Variants in ACOXL observed in about 807,000 individuals in gnomAD.
ACOXL encodes the protein acyl-coenzyme A oxidase-like protein.
In ACOXL, 70 loss-of-function variants were observed where a neutral mutation model predicts 71.9. The ratio of observed to expected loss-of-function variants is 0.97; its 90% CI spans 0.80 to 1.19. The LOEUF (loss-of-function observed/expected upper bound fraction) is 1.19, where lower values mean the gene tolerates loss of function less well. Ranked by LOEUF, ACOXL falls within the 50% of genes most tolerant of loss-of-function variation. The pLI is 0.00. For missense variants in ACOXL, 703 were observed against 736.3 expected (o/e 0.95, Z 0.52); for synonymous variants, 253 against 281.6 (o/e 0.90, Z 1.02).
At chr2:110,957,689 A>G (rs997856904) in intron 12 of ACOXL, among the ~76,000 whole-genome samples, 2 of 152,090 alleles carry the variant, frequency 1.3e-5, no homozygotes, top group African/African-American at 4.8e-5. Flanking sequence ...TTTAATCTTA[A>G]TTACCCCTTT....
intron 13 of ACOXL, among the ~76,000 whole-genome samples, chr2:110,991,588 A>G (rs1340311464): frequency 6.6e-6 from 1 of 152,212 alleles, no homozygotes; most frequent in Non-Finnish European, 1.5e-5. Context: ...GAATCTCACA[A>G]TCCTGATTAA....
intron 16 of ACOXL, among the ~76,000 whole-genome samples, chr2:111,053,722 A>G (rs373693549): frequency 3.3e-5 from 5 of 152,156 alleles, no homozygotes; most frequent in African/African-American, 1.2e-4. Context: ...TTGTTCTTGC[A>G]CACCTGGGAG....
intron 14 of ACOXL, among the ~76,000 whole-genome samples, chr2:111,001,665 C>A (rs948426862): frequency 7.2e-5 from 11 of 152,148 alleles, no homozygotes; most frequent in African/African-American, 2.7e-4. Flanking sequence ...TAACAGTTAT[C>A]CTGTCCCGTC....
chr2:110,835,656 A>G (rs1006720944), intron 9 of ACOXL, among the ~76,000 whole-genome samples: 2 of 152,236 alleles, frequency 1.3e-5, no homozygotes, highest in African/African-American at 4.8e-5. Context: ...TTAAGAGGAC[A>G]TAAAATGTGA....
intron 5 of ACOXL, among the ~76,000 whole-genome samples, chr2:110,798,052 C>T (rs1004614751): frequency 6.6e-6 from 1 of 152,108 alleles, no homozygotes; most frequent in African/African-American, 2.4e-5. Flanking sequence ...TTTTCTGGAT[C>T]AGATTATTCC....
intron 16 of ACOXL, 21 bp downstream of exon 16, chr2:111,049,309 C>T: frequency 6.3e-7 from 1 of 1,580,172 alleles, no homozygotes; most frequent in Non-Finnish European, 8.7e-7. Flanking sequence ...AGATAAAGAA[C>T]TTATTTCCTA....
rs70958753 is a variant in ACOXL at position 110,988,857 on chromosome 2, T to TTGTGTGTGTGTGTG, written c.1169+1664_1169+1677dup. 4.0e-3 allele frequency among the ~76,000 whole-genome samples: 576 copies of TTGTGTGTGTGTGTG among 143,464 alleles called. 5 individuals are homozygous for TTGTGTGTGTGTGTG. Among genetic ancestry groups the TTGTGTGTGTGTGTG allele is most frequent in the South Asian group, 0.017 (72 of 4,328 alleles). The allele number at this position is 143,464 out of a possible 152,430, so 94.1% of individuals were successfully genotyped here. A position where few individuals can be genotyped will look rare whatever the true frequency, so the allele number is the denominator to read the frequency against. On this transcript the variant is annotated intron_variant, in intron 13 of 17. Transcript: ENST00000439055. Reference sequence around the variant, plus strand: ...TGTTCATGTTTTTTGCCTATTTTTATTGTGTGTGTGTGTGTGTGTGTGTGT... The same window carrying TTGTGTGTGTGTGTG: ...TGTTCATGTTTTTTGCCTATTTTTATTGTGTGTGTGTGTGTGTGTGTGTGTGTGTGTGTGTGTGT...
chr2:110,967,918 G>A (rs753583635), intron 12 of ACOXL: 88 of 1,010,040 alleles, frequency 8.7e-5, no homozygotes, highest in Middle Eastern at 3.1e-4. Context: ...GGGTAAAACT[G>A]GTTACTATGC....
intron 9 of ACOXL, among the ~76,000 whole-genome samples, chr2:110,822,071 G>C (rs985808441): frequency 3.3e-5 from 5 of 151,946 alleles, no homozygotes; most frequent in African/African-American, 9.7e-5. Flanking sequence ...TTTAATAAAA[G>C]GAACCTTTCC....
rs2062054402 is a variant in ACOXL at position 110,968,891 on chromosome 2, A to G, written c.1060-18217A>G. Among the ~76,000 whole-genome samples the G allele has an allele frequency of 2.0e-5, 3 of 152,276 alleles. No individual in the cohort carries two copies. The South Asian group carries it at 6.2e-4, about 32-fold the overall frequency. On this transcript the variant is annotated intron_variant, in intron 12 of 17. Transcript: ENST00000439055. ...TACATGTTTTTCAAGCACTTGTGGAATTTTCTTCAAGATGGACTGTATCCT... is the reference window on the plus strand; with the variant it reads ...TACATGTTTTTCAAGCACTTGTGGAGTTTTCTTCAAGATGGACTGTATCCT...
chr2:111,032,164 A>T (rs2065301824), intron 15 of ACOXL, among the ~76,000 whole-genome samples: 1 of 152,202 alleles, frequency 6.6e-6, no homozygotes. Context: ...TCATCAAATT[A>T]GCAAGAAACT....
intron 14 of ACOXL, among the ~76,000 whole-genome samples, chr2:111,013,596 C>T (rs546304080): frequency 7.1e-4 from 106 of 150,200 alleles, no homozygotes; most frequent in African/African-American, 2.1e-3. Context: ...GAATTTAATT[C>T]GCTTTTTTTC....
At chr2:110,904,959 G>A (rs1223061664) in intron 10 of ACOXL, among the ~76,000 whole-genome samples, 1 of 152,092 alleles carries the variant, frequency 6.6e-6, no homozygotes, top group Non-Finnish European at 1.5e-5. Flanking sequence ...TATGAAAAAT[G>A]CACTCAAAGG....
At chr2:110,968,133 TACTGGCCTG>T in intron 12 of ACOXL, 1 of 1,341,570 alleles carries the variant, frequency 7.5e-7, no homozygotes, top group East Asian at 2.3e-5. Context: ...CAGAGTATTG[TACTGGCCTG>T]CTGCTGGCCC....
intron 10 of ACOXL, among the ~76,000 whole-genome samples, chr2:110,862,436 AG>A (rs1157501114): frequency 2.6e-5 from 4 of 152,204 alleles, no homozygotes; most frequent in Non-Finnish European, 5.9e-5. Context: ...GTTCAAGACC[AG>A]CCTGGGCAAC....
In ACOXL at chr2:110,897,635, A is replaced by G. The variant is rs992633457; in HGVS notation, c.789-11154A>G. ...TCCCAACACTGTTGCATTGGGGATTACATTTCCAACACATGAATTTTGGGG... is the reference window on the plus strand; with the variant it reads ...TCCCAACACTGTTGCATTGGGGATTGCATTTCCAACACATGAATTTTGGGG... On this transcript the variant is annotated intron_variant, in intron 10 of 17. Coordinates refer to ENST00000439055, the MANE Select transcript of ACOXL (RefSeq NM_001142807.4). Among the ~76,000 whole-genome samples the G allele has an allele frequency of 3.9e-5, 6 of 152,356 alleles. No homozygotes were observed. The East Asian group carries it at 1.2e-3, about 29-fold the overall frequency.
chr2:110,956,388 C>T (rs1453222748), intron 12 of ACOXL, among the ~76,000 whole-genome samples: 3 of 152,150 alleles, frequency 2.0e-5, no homozygotes, highest in African/African-American at 2.4e-5. Flanking sequence ...CTCTGTCCAG[C>T]GAATAAGTCC....
At chr2:110,886,769 C>T (rs1319856555) in intron 10 of ACOXL, 1 of 1,550,726 alleles carries the variant, frequency 6.4e-7, no homozygotes, top group Non-Finnish European at 8.7e-7. Context: ...ACTTTTCTGT[C>T]CCTTTTTCTA....
intron 12 of ACOXL, among the ~76,000 whole-genome samples, chr2:110,976,434 T>C (rs1280264234): frequency 1.3e-5 from 2 of 152,226 alleles, no homozygotes; most frequent in African/African-American, 4.8e-5. Context: ...GAAGGTTGCT[T>C]TGAATGTAAA....
Sources: allele counts gnomAD v4.1 joint callset (sites outside exome capture counted in the v4.1 genomes callset), GRCh38; gene constraint gnomAD v4.1.1; transcripts MANE v1.5; gene names NCBI Gene and HGNC (gene_info 2026-07-23, HGNC 2026-07-21).